Variants in XIAP observed in about 807,000 individuals in gnomAD.
The protein encoded by XIAP is E3 ubiquitin-protein ligase XIAP.
A neutral mutation model predicts 33.1 loss-of-function variants in XIAP; 3 were observed. The observed-to-expected ratio is 0.09, with a 90% CI of 0.04 to 0.23. The LOEUF (loss-of-function observed/expected upper bound fraction) is 0.23. Among genes scored for constraint, XIAP ranks in the 10% least tolerant of loss-of-function variants. XIAP has a pLI of 1.00. For synonymous variants in XIAP, 98 were observed against 121.3 expected, an observed-to-expected ratio of 0.81 and a Z score of 1.26; for missense variants, 264 against 363.0, an observed-to-expected ratio of 0.73 and a Z score of 2.22.
intron 6 of XIAP, among the ~76,000 whole-genome samples, chrX:123,901,884 G>A (rs948266835): frequency 9.0e-6 from 1 of 110,776 alleles, no homozygotes; most frequent in Non-Finnish European, 1.9e-5. Flanking sequence ...CCAGGCTGGA[G>A]TGCAATGGCA....
intron 5 of XIAP, among the ~76,000 whole-genome samples, chrX:123,899,293 GTA>G (rs1233832736): frequency 1.0e-5 from 1 of 95,576 alleles, no homozygotes; most frequent in African/African-American, 3.8e-5. Flanking sequence ...ATATGATTTT[GTA>G]TATATATACA....
At chrX:123,889,051 T>A (rs1186827933) in intron 3 of XIAP, among the ~76,000 whole-genome samples, 4 of 106,747 alleles carry the variant, frequency 3.7e-5, no homozygotes, top group African/African-American at 1.4e-4. Context: ...CCTGAGTAGC[T>A]GGGATTACAG....
chrX:123,878,247 A>G (rs969696651), intron 1 of XIAP, among the ~76,000 whole-genome samples: 1 of 106,310 alleles, frequency 9.4e-6, no homozygotes, highest in African/African-American at 3.5e-5. Context: ...TTATTAAGAT[A>G]AAATTTATAT....
intron 1 of XIAP, among the ~76,000 whole-genome samples, chrX:123,867,671 CT>C (rs747177182): frequency 7.8e-4 from 52 of 66,885 alleles, no homozygotes; most frequent in African/African-American, 2.2e-3. Flanking sequence ...CGTACCTGGC[CT>C]TTTTTTTTTT....
chrX:123,863,321 C>T (rs2053098603), intron 1 of XIAP, among the ~76,000 whole-genome samples: 1 of 107,246 alleles, frequency 9.3e-6, no homozygotes, highest in African/African-American at 3.4e-5. Flanking sequence ...TGTGGCGGTA[C>T]ACCCCTGTAG....
In XIAP at chrX:123,907,487, A is replaced by G. The variant is rs760988682; in HGVS notation, c.*306A>G. ...GTATACTGATTTAATTTCTAAGTGT[A>G]AGTGAATTAATCATCTGGATTTTTT... On this transcript the variant is annotated 3_prime_UTR_variant, in exon 7 of 7. Transcript: ENST00000371199. 1 of 393,085 alleles carries G rather than the reference A, an allele frequency of 2.5e-6. No individual in the cohort carries two copies. The highest frequency in any genetic ancestry group is 2.9e-5 in the South Asian group (1 of 34,262). The allele number at this position is 393,085 out of a possible 1,213,427, so 32.4% of individuals were successfully genotyped here.
Position 123,908,547 on chromosome X carries a change from T to C in XIAP, c.*1366T>C. The C allele has an allele frequency of 2.8e-6, 1 of 362,968 alleles. No homozygotes were observed. Among genetic ancestry groups the C allele is most frequent in the South Asian group, 2.7e-5 (1 of 37,400 alleles). 29.9% of individuals were successfully genotyped at this position (362,968 alleles called of 1,213,427 possible). Reference sequence around the variant, plus strand: ...GTTGAGATTCTCATATCATCTTGTATCTTAAAGTTTCATGTGAGTTTTTAC... The same window carrying C: ...GTTGAGATTCTCATATCATCTTGTACCTTAAAGTTTCATGTGAGTTTTTAC... On this transcript the variant is annotated 3_prime_UTR_variant, in exon 7 of 7. Transcript: ENST00000371199.
chrX:123,889,482 A>T (rs2053384742), intron 3 of XIAP, among the ~76,000 whole-genome samples: 3 of 108,923 alleles, frequency 2.8e-5, no homozygotes, highest in Admixed American at 1.0e-4. Flanking sequence ...TTGGCATTAC[A>T]GGTGTGAGCC....
intron 1 of XIAP, among the ~76,000 whole-genome samples, chrX:123,878,219 A>T (rs183560221): frequency 2.1e-3 from 236 of 111,899 alleles, no homozygotes; most frequent in African/African-American, 7.3e-3. Context: ...CTACTATTTT[A>T]ATAACATTTT....
At chrX:123,899,136 A>ATATAT in intron 5 of XIAP, among the ~76,000 whole-genome samples, 2 of 65,643 alleles carry the variant, frequency 3.0e-5, no homozygotes, top group African/African-American at 1.1e-4. Context: ...AAAAAAAAAA[A>ATATAT]AAAAAAAAAT....
chrX:123,859,870 G>T (rs1177111037), upstream of XIAP: 3 of 248,640 alleles, frequency 1.2e-5, no homozygotes, highest in East Asian at 3.3e-4. Context: ...GCCCGGAGCC[G>T]GCGTGGCGCT....
Position 123,865,723 on chromosome X carries a change from CA to C in XIAP, c.-33+5438del, listed in dbSNP as rs1177147838. ...TGAGCTACAGAGCGAGACTCCGACT[CA>C]AAAAAAATAAAAGGGTATTTTGAAT... On this transcript the variant is annotated intron_variant, in intron 1 of 6. Transcript: ENST00000371199. Among the ~76,000 whole-genome samples the C allele has an allele frequency of 3.7e-5, 4 of 109,367 alleles. No individual in the cohort carries two copies. The East Asian group carries it at 8.6e-4, about 24-fold the overall frequency. 95.0% of individuals were successfully genotyped at this position (109,367 alleles called of 115,157 possible). A position where few individuals can be genotyped will look rare whatever the true frequency, so the allele number is the denominator to read the frequency against.
Position 123,913,916 on chromosome X carries a change from A to G in XIAP, c.*6735A>G. On this transcript the variant is annotated 3_prime_UTR_variant, in exon 7 of 7. Coordinates refer to ENST00000371199, the MANE Select transcript of XIAP (RefSeq NM_001167.4). ...TATAATCTGGCATTCATTGTAGATT[A>G]AAGCTTATTTTTCTGTGAATAAAAC... The G allele has an allele frequency of 3.2e-6, 1 of 313,965 alleles. No homozygotes were observed. The highest frequency in any genetic ancestry group is 2.9e-5 in the South Asian group (1 of 34,382). 25.9% of individuals were successfully genotyped at this position (313,965 alleles called of 1,213,427 possible).
At chrX:123,875,486 T>C (rs1024326985) in intron 1 of XIAP, among the ~76,000 whole-genome samples, 14 of 112,199 alleles carry the variant, frequency 1.2e-4, no homozygotes, top group East Asian at 1.1e-3. Flanking sequence ...TGCCTCTTGC[T>C]TCATACTCTC....
chrX:123,906,270 C>G (rs2053554919), intron 6 of XIAP, among the ~76,000 whole-genome samples: 1 of 112,095 alleles, frequency 8.9e-6, no homozygotes, highest in South Asian at 3.7e-4. Flanking sequence ...ATCTCTATCT[C>G]TAGCCCTGAC....
rs1268086859 is a variant in XIAP at position 123,908,573 on chromosome X, C to G, written c.*1392C>G. 5.6e-6 allele frequency: 2 copies of G among 357,155 alleles called. No homozygotes were observed. The highest frequency in any genetic ancestry group is 5.1e-5 in the African/African-American group (2 of 38,852). The allele number at this position is 357,155 out of a possible 1,213,427, so 29.4% of individuals were successfully genotyped here. On this transcript the variant is annotated 3_prime_UTR_variant, in exon 7 of 7. Coordinates refer to ENST00000371199, the MANE Select transcript of XIAP (RefSeq NM_001167.4). ...CTTAAAGTTTCATGTGAGTTTTTAC[C>G]GTTAGGATGATTAAGATGTATATAG...
In XIAP at chrX:123,910,081, GT is replaced by G. The variant is rs746940192; in HGVS notation, c.*2904del. 3 of 327,380 alleles carry G rather than the reference GT, an allele frequency of 9.2e-6. No homozygotes were observed. Among genetic ancestry groups the G allele is most frequent in the South Asian group, 7.9e-5 (3 of 37,825 alleles). The allele number at this position is 327,380 out of a possible 1,213,427, so 27.0% of individuals were successfully genotyped here. A position where few individuals can be genotyped will look rare whatever the true frequency, so the allele number is the denominator to read the frequency against. ...TTTTAGTCATGCAAAGATTCAAGTA[GT>G]TTTGCAATAAGTACTTATCTTTATT... On this transcript the variant is annotated 3_prime_UTR_variant, in exon 7 of 7. Coordinates refer to ENST00000371199, the MANE Select transcript of XIAP (RefSeq NM_001167.4).
rs1185372373 is a variant in XIAP, at chrX:123,908,866, G to C, written c.*1685G>C. ...ATTCTCACAACAAACCTATTGTAGAGGTGAGTAAGGCATGTTACTACAGAG... is the reference window on the plus strand; with the variant it reads ...ATTCTCACAACAAACCTATTGTAGACGTGAGTAAGGCATGTTACTACAGAG... On this transcript the variant is annotated 3_prime_UTR_variant, in exon 7 of 7. Transcript: ENST00000371199. The C allele has an allele frequency of 2.9e-6, 1 of 348,334 alleles. No individual in the cohort carries two copies. Among genetic ancestry groups the C allele is most frequent in the Non-Finnish European group, 5.5e-6 (1 of 182,307 alleles). The allele number at this position is 348,334 out of a possible 1,213,427, so 28.7% of individuals were successfully genotyped here. A position where few individuals can be genotyped will look rare whatever the true frequency, so the allele number is the denominator to read the frequency against.
In XIAP at chrX:123,886,088, A is replaced by G. The variant is rs754188174; in HGVS notation, c.426A>G (p.Arg142=). 8 of 1,211,747 alleles carry G rather than the reference A, an allele frequency of 6.6e-6. No homozygotes were observed. The highest frequency in any genetic ancestry group is 7.8e-6 in the Non-Finnish European group (7 of 895,566). ...PSETHADYLL[R]TGQVVDISDT... Reference sequence around the variant, plus strand: ...AGACACATGCAGACTATCTTTTGAGAACTGGGCAGGTTGTAGATATATCAG... The same window carrying G: ...AGACACATGCAGACTATCTTTTGAGGACTGGGCAGGTTGTAGATATATCAG... The change falls in exon 2 of 7, where the codon AGA becomes AGG. Residue 142 remains arginine (R), a synonymous_variant. Coordinates refer to ENST00000371199, the MANE Select transcript of XIAP (RefSeq NM_001167.4).
Sources: allele counts gnomAD v4.1 joint callset (sites outside exome capture counted in the v4.1 genomes callset), GRCh38; gene constraint gnomAD v4.1.1; transcripts MANE v1.5; gene names NCBI Gene and HGNC (gene_info 2026-07-23, HGNC 2026-07-21).